The following ABCG2 variants were observed in gnomAD, a reference collection of about 807,000 sequenced individuals.
ABCG2 encodes broad substrate specificity ATP-binding cassette transporter ABCG2.
A neutral mutation model predicts 73.5 loss-of-function variants in ABCG2; 80 were observed. That is an observed-to-expected ratio of 1.09 (90% confidence interval 0.91 to 1.31). The LOEUF (loss-of-function observed/expected upper bound fraction) is 1.31. Ranked by LOEUF, ABCG2 falls within the 50% of genes most tolerant of loss-of-function variation. The pLI is 0.00. For synonymous variants in ABCG2, 269 were observed against 282.4 expected (o/e 0.95, Z 0.48); for missense variants, 796 against 786.2 (o/e 1.01, Z -0.15).
At chr4:88,105,105 T>C (rs1407396343) in intron 10 of ABCG2, among the ~76,000 whole-genome samples, 1 of 152,172 alleles carries the variant, frequency 6.6e-6, no homozygotes, top group African/African-American at 2.4e-5. Context: ...ACCTCAGCCC[T>C]CAGGGAAAGT....
intron 1 of ABCG2, among the ~76,000 whole-genome samples, chr4:88,181,280 A>G (rs541616325): frequency 3.1e-4 from 47 of 151,796 alleles, no homozygotes; most frequent in South Asian, 6.2e-4. Context: ...CGTGCCTGTA[A>G]TCCTAGCTAC....
upstream of ABCG2, chr4:88,158,957 G>A: frequency 2.9e-6 from 1 of 348,396 alleles, no homozygotes; most frequent in Non-Finnish European, 5.6e-6. Flanking sequence ...GGGGTTCGCG[G>A]GCGGGGGTGA....
chr4:88,155,268 G>A (rs1481334583), intron 1 of ABCG2, among the ~76,000 whole-genome samples: 1 of 152,136 alleles, frequency 6.6e-6, no homozygotes, highest in Non-Finnish European at 1.5e-5. Context: ...TGTAGAAGGT[G>A]TTGGGGTTTG....
At chr4:88,103,134 C>T (rs971790132) in intron 10 of ABCG2, among the ~76,000 whole-genome samples, 13 of 152,258 alleles carry the variant, frequency 8.5e-5, no homozygotes, top group African/African-American at 3.1e-4. Context: ...ATAGCCAGGC[C>T]TGGTAGACAT....
chr4:88,158,964 G>C (rs1333020077), upstream of ABCG2: 3 of 354,358 alleles, frequency 8.5e-6, no homozygotes, highest in Non-Finnish European at 1.7e-5. Context: ...GCGGGCGGGG[G>C]TGAGGCGTGG....
intron 1 of ABCG2, among the ~76,000 whole-genome samples, chr4:88,177,755 C>T (rs1728068927): frequency 6.6e-6 from 1 of 152,144 alleles, no homozygotes; most frequent in South Asian, 2.1e-4. Context: ...AGAGAGAAAT[C>T]TGTGTGTTGG....
chr4:88,186,524 C>A (rs1411818152), intron 1 of ABCG2, among the ~76,000 whole-genome samples: 2 of 152,066 alleles, frequency 1.3e-5, no homozygotes, highest in Non-Finnish European at 2.9e-5. Flanking sequence ...GCCTGTAATG[C>A]CAGCAATATG....
rs542070132 is a variant in ABCG2, at chr4:88,142,897, G to A, written c.-19-2883C>T. Among the ~76,000 whole-genome samples the A allele has an allele frequency of 4.3e-4, 65 of 152,182 alleles. 3 individuals are homozygous for A. The South Asian group carries it at 0.011, about 27-fold the overall frequency. On this transcript the variant is annotated intron_variant, in intron 1 of 15. Transcript: ENST00000237612. ...CAGGAGGCAGAGATTGCAGTGAGCC[G>A]AGATCATGCCACTGCACTCTAGCCT...
At chr4:88,126,656 A>C (rs1724430596) in intron 5 of ABCG2, among the ~76,000 whole-genome samples, 2 of 152,236 alleles carry the variant, frequency 1.3e-5, no homozygotes, top group Admixed American at 1.3e-4. Flanking sequence ...CCATCACATA[A>C]ATAGAACAAA....
intron 1 of ABCG2, among the ~76,000 whole-genome samples, chr4:88,175,184 C>CTT (rs1288430083): frequency 6.6e-6 from 1 of 152,190 alleles, no homozygotes; most frequent in Non-Finnish European, 1.5e-5. Context: ...ATGATTGCGT[C>CTT]TTAATAGTTT....
In ABCG2 at chr4:88,132,562, T is replaced by G; in HGVS notation, c.263+14A>C. 1 of 1,613,454 alleles carries G rather than the reference T, an allele frequency of 6.2e-7. No individual in the cohort carries two copies. The highest frequency in any genetic ancestry group is 8.5e-7 in the Non-Finnish European group (1 of 1,179,690). ...GTGCACAGAAAACGCTTACTTATAC[T>G]CTCTTATACTCACGAAGATTTGCCT... is the stretch of plus-strand genomic sequence containing the variant. On this transcript the variant is annotated intron_variant, in intron 3 of 15. Coordinates refer to ENST00000237612, the MANE Select transcript of ABCG2 (RefSeq NM_004827.3).
chr4:88,208,152 C>A (rs1318953617), intron 1 of ABCG2, among the ~76,000 whole-genome samples: 1 of 152,182 alleles, frequency 6.6e-6, no homozygotes, highest in Non-Finnish European at 1.5e-5. Flanking sequence ...TTTAAAACAT[C>A]CAGTTCTTTA....
intron 2 of ABCG2, 51 bp downstream of exon 2, chr4:88,139,742 T>C (rs766883584): frequency 6.5e-7 from 1 of 1,530,470 alleles, no homozygotes; most frequent in South Asian, 1.2e-5. Context: ...ACCTGTGAGG[T>C]TCACTGTAGG....
intron 5 of ABCG2, among the ~76,000 whole-genome samples, chr4:88,126,870 A>G (rs111983383): frequency 0.13 from 19,048 of 152,208 alleles, 1,449 homozygotes; most frequent in Middle Eastern, 0.23. Context: ...CCGGCACAAG[A>G]CAAGGACGCA....
intron 1 of ABCG2, among the ~76,000 whole-genome samples, chr4:88,190,551 A>C (rs1455123860): frequency 6.6e-6 from 1 of 152,226 alleles, no homozygotes; most frequent in African/African-American, 2.4e-5. Flanking sequence ...CTGAATTTAA[A>C]GGTTGCTAAA....
At chr4:88,121,488 T>C (rs1399035879) in intron 6 of ABCG2, 147 bp downstream of exon 6, 1 of 823,584 alleles carries the variant, frequency 1.2e-6, no homozygotes, top group Admixed American at 3.0e-5. Context: ...TTTTTCTTGA[T>C]AATGCTTTTC....
At chr4:88,228,427 T>G (rs1730315942) in intron 1 of ABCG2, among the ~76,000 whole-genome samples, 1 of 152,180 alleles carries the variant, frequency 6.6e-6, no homozygotes, top group South Asian at 2.1e-4. Flanking sequence ...CCGGGATAGC[T>G]TAGGCTGATA....
chr4:88,143,126 C>A (rs750984874), intron 1 of ABCG2, among the ~76,000 whole-genome samples: 1 of 151,946 alleles, frequency 6.6e-6, no homozygotes, highest in African/African-American at 2.4e-5. Context: ...TGGAACAATG[C>A]GTGTACATTA....
chr4:88,156,569 C>T (rs2110080481), intron 1 of ABCG2, among the ~76,000 whole-genome samples: 1 of 151,852 alleles, frequency 6.6e-6, no homozygotes, highest in Admixed American at 6.6e-5. Flanking sequence ...ATAACTGAAT[C>T]AATGAACAGG....
Sources: allele counts gnomAD v4.1 joint callset (sites outside exome capture counted in the v4.1 genomes callset), GRCh38; gene constraint gnomAD v4.1.1; transcripts MANE v1.5; gene names NCBI Gene and HGNC (gene_info 2026-07-23, HGNC 2026-07-21).